The following ANKS1B variants were observed in gnomAD, a reference collection of about 807,000 sequenced individuals.
The protein encoded by ANKS1B is ankyrin repeat and sterile alpha motif domain-containing protein 1B.
Under a neutral mutation model 148.3 loss-of-function variants are expected in ANKS1B, and 36 were observed. The ratio of observed to expected loss-of-function variants is 0.24; its 90% confidence interval spans 0.19 to 0.32. The LOEUF is 0.32. Ranked by LOEUF, ANKS1B falls within the 10% of genes least tolerant of loss-of-function variation. The pLI is 1.00. For synonymous variants in ANKS1B, 542 were observed against 560.8 expected (o/e 0.97, Z 0.47); for missense variants, 1,157 against 1,542.6 (o/e 0.75, Z 4.19).
chr12:99,361,096 T>C (rs1247522778), intron 12 of ANKS1B, among the ~76,000 whole-genome samples: 1 of 152,088 alleles, frequency 6.6e-6, no homozygotes, highest in Non-Finnish European at 1.5e-5. Context: ...AACTTAATTG[T>C]GCATTTAAAA....
At chr12:99,462,707 T>G (rs559604597) in intron 10 of ANKS1B, among the ~76,000 whole-genome samples, 1 of 152,312 alleles carries the variant, frequency 6.6e-6, no homozygotes, top group Non-Finnish European at 1.5e-5. Context: ...CCTCCAAATC[T>G]CATGTTGAAA....
chr12:99,303,752 T>C (rs949711746), intron 12 of ANKS1B, among the ~76,000 whole-genome samples: 1 of 152,126 alleles, frequency 6.6e-6, no homozygotes, highest in African/African-American at 2.4e-5. Flanking sequence ...TACACTGTAC[T>C]CAATGTGTAG....
intron 14 of ANKS1B, among the ~76,000 whole-genome samples, chr12:99,186,016 G>A (rs1395090668): frequency 6.6e-6 from 1 of 152,194 alleles, no homozygotes; most frequent in Non-Finnish European, 1.5e-5. Flanking sequence ...TGCCAGCACA[G>A]CAGTCTGAAG....
At chr12:99,829,578 G>T (rs1241598705) in intron 1 of ANKS1B, among the ~76,000 whole-genome samples, 1 of 152,172 alleles carries the variant, frequency 6.6e-6, no homozygotes, top group East Asian at 1.9e-4. Flanking sequence ...GTGAACCTGG[G>T]AGGCGGAGCT....
At chr12:98,988,465 C>G (rs1294335323) in intron 17 of ANKS1B, among the ~76,000 whole-genome samples, 1 of 152,066 alleles carries the variant, frequency 6.6e-6, no homozygotes, top group Non-Finnish European at 1.5e-5. Context: ...AAATAGTACT[C>G]CATTGTGTAT....
intron 8 of ANKS1B, among the ~76,000 whole-genome samples, chr12:99,717,704 G>C (rs113377047): frequency 0.66 from 100,508 of 151,808 alleles, 33,353 homozygotes; most frequent in Non-Finnish European, 0.69. Context: ...AGACCATCAC[G>C]GACGCCGAGC....
At chr12:99,652,760 G>A (rs953642297) in intron 9 of ANKS1B, among the ~76,000 whole-genome samples, 4 of 152,024 alleles carry the variant, frequency 2.6e-5, no homozygotes, top group African/African-American at 9.7e-5. Context: ...TAGGAAGGCA[G>A]AAATAAACAA....
chr12:99,900,039 C>T (rs2093537324), intron 1 of ANKS1B, among the ~76,000 whole-genome samples: 1 of 151,924 alleles, frequency 6.6e-6, no homozygotes, highest in Non-Finnish European at 1.5e-5. Flanking sequence ...GCTGGGACTA[C>T]AGGCACCTGC....
chr12:99,190,782 G>A (rs923425610), intron 14 of ANKS1B, among the ~76,000 whole-genome samples: 3 of 152,096 alleles, frequency 2.0e-5, no homozygotes, highest in Non-Finnish European at 4.4e-5. Context: ...ACACAGGCAT[G>A]GGCAAAGACT....
chr12:99,035,121 T>C (rs1472215189), intron 17 of ANKS1B, among the ~76,000 whole-genome samples: 1 of 152,146 alleles, frequency 6.6e-6, no homozygotes, highest in Non-Finnish European at 1.5e-5. Flanking sequence ...CTCCTGTTTC[T>C]CAGTCCCATT....
intron 19 of ANKS1B, among the ~76,000 whole-genome samples, chr12:98,822,857 A>T (rs1309704157): frequency 1.3e-5 from 2 of 152,208 alleles, no homozygotes; most frequent in African/African-American, 4.8e-5. Flanking sequence ...AATCCATCTG[A>T]GTGATTCTCC....
rs116379856 is a variant in ANKS1B at position 99,818,370 on chromosome 12, C to G, written c.216-6059G>C. On this transcript the variant is annotated intron_variant, in intron 2 of 26. Coordinates refer to ENST00000683438, the MANE Select transcript of ANKS1B (RefSeq NM_001352186.2). ...GATTTTGCAGCTGTGAATTCTGCTG[C>G]TATAAACATGCGTGTTCAAGTACAT... 3.1e-3 allele frequency among the ~76,000 whole-genome samples: 471 copies of G among 151,872 alleles called. 3 individuals are homozygous for G. The highest frequency in any genetic ancestry group is 0.011 in the African/African-American group (445 of 41,510).
intron 17 of ANKS1B, among the ~76,000 whole-genome samples, chr12:99,032,875 C>A (rs2099953138): frequency 6.6e-6 from 1 of 152,136 alleles, no homozygotes; most frequent in South Asian, 2.1e-4. Flanking sequence ...AGAATTATTT[C>A]TCTGATTACA....
intron 8 of ANKS1B, among the ~76,000 whole-genome samples, chr12:99,677,792 T>A (rs778247454): frequency 6.6e-6 from 1 of 151,876 alleles, no homozygotes; most frequent in Non-Finnish European, 1.5e-5. Flanking sequence ...GCTAACACCA[T>A]GAAACCCTGT....
chr12:99,112,968 G>T (rs1208218984), intron 15 of ANKS1B, among the ~76,000 whole-genome samples: 1 of 152,206 alleles, frequency 6.6e-6, no homozygotes, highest in Non-Finnish European at 1.5e-5. Flanking sequence ...AGGGCTCACA[G>T]ATAATGCAGA....
intron 11 of ANKS1B, among the ~76,000 whole-genome samples, chr12:99,426,080 A>G (rs540385775): frequency 4.7e-4 from 72 of 152,278 alleles, no homozygotes; most frequent in African/African-American, 1.6e-3. Context: ...ATCATTTGTA[A>G]CTGTTGTGAC....
At chr12:98,918,425 T>A (rs117435904) in intron 17 of ANKS1B, among the ~76,000 whole-genome samples, 2,151 of 152,310 alleles carry the variant, frequency 0.014, 21 homozygotes, top group Non-Finnish European at 0.024. Flanking sequence ...GGAAGCTAGG[T>A]CGTAGCAGGA....
chr12:99,899,338 G>C (rs920041084), intron 1 of ANKS1B, among the ~76,000 whole-genome samples: 1 of 152,100 alleles, frequency 6.6e-6, no homozygotes, highest in African/African-American at 2.4e-5. Context: ...ATTACAACTC[G>C]ATTCTTCTGA....
At chr12:98,889,453 T>C (rs967314807) in intron 17 of ANKS1B, among the ~76,000 whole-genome samples, 2 of 152,136 alleles carry the variant, frequency 1.3e-5, no homozygotes, top group African/African-American at 4.8e-5. Flanking sequence ...GCTCAAGCGA[T>C]TCTCCTGCCT....
Sources: gnomAD v4.1 joint callset for allele counts (sites outside exome capture counted in the v4.1 genomes callset) on GRCh38, gnomAD v4.1.1 for gene constraint, MANE v1.5 for transcripts, NCBI Gene and HGNC (gene_info 2026-07-23, HGNC 2026-07-21) for gene names.